Variants in IKBKB observed in about 807,000 individuals in gnomAD.
The protein encoded by IKBKB is inhibitor of nuclear factor kappa B kinase subunit beta, also known as inhibitor of nuclear factor kappa-B kinase subunit beta.
Under a neutral mutation model 113.6 loss-of-function variants are expected in IKBKB, and 42 were observed. The observed-to-expected ratio is 0.37, with a 90% CI of 0.29 to 0.48. IKBKB has a LOEUF of 0.48. Ranked by LOEUF, IKBKB falls within the 20% of genes least tolerant of loss-of-function variation. The pLI is 0.99. For synonymous variants in IKBKB, 296 were observed against 361.3 expected (o/e 0.82, Z 2.05); for missense variants, 673 against 939.7 (o/e 0.72, Z 3.71).
chr8:42,294,217 T>A (rs967530486), intron 5 of IKBKB, among the ~76,000 whole-genome samples: 2 of 152,250 alleles, frequency 1.3e-5, no homozygotes, highest in African/African-American at 4.8e-5. Context: ...GTCTAAGGTT[T>A]AGAGTTATCA....
At chr8:42,304,698 A>T (rs1463992990) in intron 5 of IKBKB, among the ~76,000 whole-genome samples, 1 of 151,878 alleles carries the variant, frequency 6.6e-6, no homozygotes, top group Non-Finnish European at 1.5e-5. Context: ...TGACCATAGG[A>T]CTCTGTCCCC....
At position 42,272,083 on chromosome 8, in the gene IKBKB, A is replaced by C; in HGVS notation, c.-18A>C. The C allele has an allele frequency of 6.2e-7, 1 of 1,612,794 alleles. No homozygotes were observed. On this transcript the variant is annotated splice_region_variant and 5_prime_UTR_variant, in exon 2 of 22. Transcript: ENST00000520810. ...TTTCCCCATCCCAAATTGCTTATAG[A>C]GTTAGCACGACATCAGTATGAGCTG...
chr8:42,273,883 T>A (rs543725079), intron 2 of IKBKB, among the ~76,000 whole-genome samples: 2 of 152,256 alleles, frequency 1.3e-5, no homozygotes, highest in African/African-American at 4.8e-5. Flanking sequence ...ACATAATAAT[T>A]GTACATATTT....
intron 2 of IKBKB, among the ~76,000 whole-genome samples, chr8:42,282,334 C>A (rs1810537393): frequency 6.6e-6 from 1 of 152,152 alleles, no homozygotes; most frequent in African/African-American, 2.4e-5. Context: ...TCCCAAGTAG[C>A]TGGGACTACA....
chr8:42,280,391 G>A (rs1312588552), intron 2 of IKBKB, among the ~76,000 whole-genome samples: 1 of 152,146 alleles, frequency 6.6e-6, no homozygotes, highest in Non-Finnish European at 1.5e-5. Context: ...TAGATAGGCT[G>A]ATATTTTCAA....
intron 21 of IKBKB, 198 bp from the exon 22 acceptor site, chr8:42,330,716 G>T: frequency 1.7e-6 from 1 of 603,400 alleles, no homozygotes; most frequent in Non-Finnish European, 2.1e-6. Context: ...CACCATTTTG[G>T]CCAGGCTGGT....
chr8:42,276,497 T>C (rs1356259209), intron 2 of IKBKB, among the ~76,000 whole-genome samples: 2 of 152,202 alleles, frequency 1.3e-5, no homozygotes, highest in African/African-American at 4.8e-5. Flanking sequence ...AATCCCTTGT[T>C]GGATGGATAG....
At chr8:42,325,874 G>A in intron 19 of IKBKB, 96 bp from the exon 20 acceptor site, 3 of 1,560,726 alleles carry the variant, frequency 1.9e-6, no homozygotes, top group Non-Finnish European at 1.7e-6. Context: ...CTGGCCTCTG[G>A]CAGCCAGCCA....
In IKBKB at chr8:42,322,345, A is replaced by C; in HGVS notation, c.1839-2A>C. The C allele has an allele frequency of 6.2e-7, 1 of 1,613,734 alleles. No individual in the cohort carries two copies. Among genetic ancestry groups the C allele is most frequent in the Non-Finnish European group, 8.5e-7 (1 of 1,179,962 alleles). On this transcript the variant is annotated splice_acceptor_variant, in intron 18 of 21. Coordinates refer to ENST00000520810, the MANE Select transcript of IKBKB (RefSeq NM_001556.3). LOFTEE classifies it high-confidence loss of function. ...TTAGTTTGCCATGTTTATTCTTTGC[A>C]GTAAAACTGTGGTTTGCAAGCAGAA... is the stretch of plus-strand genomic sequence containing the variant.
intron 5 of IKBKB, among the ~76,000 whole-genome samples, chr8:42,303,750 G>A (rs546356512): frequency 8.5e-5 from 13 of 152,180 alleles, no homozygotes; most frequent in African/African-American, 2.9e-4. Flanking sequence ...CAGGTGATTC[G>A]CCCACGTTGG....
chr8:42,311,562 C>G (rs1817687647), intron 8 of IKBKB, among the ~76,000 whole-genome samples: 1 of 39,702 alleles, frequency 2.5e-5, no homozygotes, highest in Non-Finnish European at 1.0e-4. Flanking sequence ...CTCCATCTTA[C>G]CAAAAAAAAA....
rs187156823 is a variant in IKBKB, at chr8:42,276,960, G to A, written c.105+4755G>A. On this transcript the variant is annotated intron_variant, in intron 2 of 21. Transcript: ENST00000520810. ...CGGGTCACTGCAAGCTCCGCCTCCC[G>A]GGTTCATGCCATTCTCCTGCCTCAG... Among the ~76,000 whole-genome samples, 972 of 146,442 alleles carry A rather than the reference G, an allele frequency of 6.6e-3. 6 individuals are homozygous for A. The highest frequency in any genetic ancestry group is 0.011 in the Middle Eastern group (3 of 280).
chr8:42,317,144 G>A, intron 11 of IKBKB: 1 of 541,564 alleles, frequency 1.8e-6, no homozygotes, highest in Non-Finnish European at 3.4e-6. Context: ...TGCCTTTATT[G>A]CAAAAAATGA....
chr8:42,292,942 C>G (rs1812957970), intron 4 of IKBKB, among the ~76,000 whole-genome samples: 1 of 152,172 alleles, frequency 6.6e-6, no homozygotes, highest in African/African-American at 2.4e-5. Flanking sequence ...GAAGGCTTTG[C>G]TGAGCTAATC....
intron 8 of IKBKB, among the ~76,000 whole-genome samples, chr8:42,309,310 CTATTGTATGAA>C (rs1224025035): frequency 6.6e-6 from 1 of 152,118 alleles, no homozygotes; most frequent in Non-Finnish European, 1.5e-5. Context: ...AGAAGTAAGA[CTATTGTATGAA>C]TATACGCACT....
intron 3 of IKBKB, among the ~76,000 whole-genome samples, chr8:42,289,115 T>G (rs1368744553): frequency 6.6e-6 from 1 of 152,106 alleles, no homozygotes; most frequent in African/African-American, 2.4e-5. Context: ...CTCGGGTGGC[T>G]GAGGCAGGAG....
intron 19 of IKBKB, among the ~76,000 whole-genome samples, chr8:42,323,307 G>A (rs998368211): frequency 6.6e-6 from 1 of 152,248 alleles, no homozygotes; most frequent in African/African-American, 2.4e-5. Context: ...GTGCAACTTG[G>A]TTGACCATCG....
intron 2 of IKBKB, among the ~76,000 whole-genome samples, chr8:42,284,684 G>A (rs1811052015): frequency 6.6e-6 from 1 of 152,012 alleles, no homozygotes; most frequent in Non-Finnish European, 1.5e-5. Context: ...ATATCGTCAG[G>A]CAGAGCTGCT....
intron 5 of IKBKB, among the ~76,000 whole-genome samples, chr8:42,296,940 A>G (rs1813983695): frequency 6.6e-6 from 1 of 152,240 alleles, no homozygotes; most frequent in Non-Finnish European, 1.5e-5. Flanking sequence ...GCAGTCAGCA[A>G]GTGTTAGTTC....
Sources: gnomAD v4.1 joint callset for allele counts (sites outside exome capture counted in the v4.1 genomes callset) on GRCh38, gnomAD v4.1.1 for gene constraint, MANE v1.5 for transcripts, NCBI Gene and HGNC (gene_info 2026-07-23, HGNC 2026-07-21) for gene names.